Variants in TMEM268 observed in about 807,000 individuals in gnomAD.
The protein encoded by TMEM268 is transmembrane protein 268.
TMEM268 carries 24 observed loss-of-function variants against 39.1 expected under a neutral mutation model. The observed-to-expected ratio is 0.61, with a 90% confidence interval of 0.44 to 0.86. The LOEUF is 0.86. TMEM268 is among the 40% of genes least tolerant of loss of function. The pLI is 0.00. For synonymous variants in TMEM268, 176 were observed against 173.5 expected, an observed-to-expected ratio of 1.01 and a Z score of -0.12; for missense variants, 409 against 428.6, an observed-to-expected ratio of 0.95 and a Z score of 0.40.
chr9:114,613,201 AT>A (rs1485464991), intron 1 of TMEM268, among the ~76,000 whole-genome samples: 44 of 152,306 alleles, frequency 2.9e-4, no homozygotes, highest in African/African-American at 9.9e-4. Flanking sequence ...AAGCCTGCTG[AT>A]TAGTACTTTG....
chr9:114,608,511 A>G (rs1365794229), upstream of TMEM268, among the ~76,000 whole-genome samples: 1 of 152,200 alleles, frequency 6.6e-6, no homozygotes, highest in East Asian at 1.9e-4. Context: ...GCAGCCTGGC[A>G]GAAAGGGCAG....
upstream of TMEM268, among the ~76,000 whole-genome samples, chr9:114,607,458 C>T (rs997619847): frequency 6.6e-6 from 1 of 152,066 alleles, no homozygotes; most frequent in Non-Finnish European, 1.5e-5. Context: ...GAGTTCGAGA[C>T]CAGCTTGGGC....
At chr9:114,615,304 T>C (rs949442583) in intron 1 of TMEM268, among the ~76,000 whole-genome samples, 4 of 152,212 alleles carry the variant, frequency 2.6e-5, no homozygotes, top group African/African-American at 4.8e-5. Context: ...TGCTGTTGTA[T>C]GTCCTTTATA....
chr9:114,609,247 G>C (rs774481733), upstream of TMEM268, among the ~76,000 whole-genome samples: 3 of 151,926 alleles, frequency 2.0e-5, no homozygotes, highest in Admixed American at 6.6e-5. Context: ...GGAGGTGGAG[G>C]CTGCAGTGAG....
intron 3 of TMEM268, among the ~76,000 whole-genome samples, chr9:114,626,449 C>A (rs1032857858): frequency 6.6e-6 from 1 of 152,168 alleles, no homozygotes; most frequent in Admixed American, 6.5e-5. Flanking sequence ...GAGGGACTGG[C>A]CCTTTGCTCA....
At chr9:114,625,015 C>T (rs1451989186) in intron 3 of TMEM268, among the ~76,000 whole-genome samples, 2 of 152,170 alleles carry the variant, frequency 1.3e-5, no homozygotes, top group African/African-American at 2.4e-5. Context: ...GATAATGATG[C>T]AGTACCTTCA....
At position 114,624,403 on chromosome 9, in the gene TMEM268, C is replaced by T; in HGVS notation, c.160C>T (p.Pro54Ser). The change falls in exon 3 of 9, where the codon CCC (proline) becomes TCC (serine). Residue 54 changes from proline to serine, a missense_variant. Pro to Ser is a moderately conservative substitution (Grantham distance 74). Coordinates refer to ENST00000288502, the MANE Select transcript of TMEM268 (RefSeq NM_153045.4). Reference sequence around the variant, plus strand: ...TCTCCGGATTGACAATACCTGTGCACCCATCTCCTTCGACCTGGGAGCCGC... The same window carrying T: ...TCTCCGGATTGACAATACCTGTGCATCCATCTCCTTCGACCTGGGAGCCGC... ...TVLRIDNTCA[P>S]ISFDLGAAEE... 1 of 1,602,940 alleles carries T rather than the reference C, an allele frequency of 6.2e-7. No homozygotes were observed. Among genetic ancestry groups the T allele is most frequent in the Non-Finnish European group, 8.5e-7 (1 of 1,174,102 alleles).
At chr9:114,637,124 C>T (rs937314542) in intron 7 of TMEM268, 54 bp downstream of exon 7, 133 of 1,159,786 alleles carry the variant, frequency 1.1e-4, no homozygotes, top group Non-Finnish European at 1.6e-4. Flanking sequence ...CAAGTTGTAT[C>T]GATTTCATTA....
intron 8 of TMEM268, among the ~76,000 whole-genome samples, chr9:114,640,536 C>A (rs1274741999): frequency 4.6e-5 from 7 of 152,186 alleles, no homozygotes; most frequent in Non-Finnish European, 1.0e-4. Context: ...AAGAGGTCAG[C>A]TGACTGGCCC....
intron 2 of TMEM268, among the ~76,000 whole-genome samples, chr9:114,618,679 A>T (rs995714297): frequency 7.9e-5 from 12 of 152,146 alleles, no homozygotes; most frequent in Middle Eastern, 3.4e-3. Context: ...AAAAAGAAAG[A>T]AAAAGAATTT....
chr9:114,642,734 G>A (rs1271484409), intron 8 of TMEM268, among the ~76,000 whole-genome samples: 1 of 151,978 alleles, frequency 6.6e-6, no homozygotes, highest in Non-Finnish European at 1.5e-5. Flanking sequence ...TCCTACCTCG[G>A]CCTCCCAAAG....
chr9:114,641,166 G>A (rs1470763706), intron 8 of TMEM268, among the ~76,000 whole-genome samples: 7 of 151,982 alleles, frequency 4.6e-5, no homozygotes, highest in South Asian at 2.1e-4. Flanking sequence ...GTGAGCCACC[G>A]CGCCCGGCCT....
Position 114,643,190 on chromosome 9 carries a change from G to C in TMEM268, c.906G>C (p.Val302=). 1 of 1,614,166 alleles carries C rather than the reference G, an allele frequency of 6.2e-7. No homozygotes were observed. The highest frequency in any genetic ancestry group is 8.5e-7 in the Non-Finnish European group (1 of 1,180,032). Residue 302 remains valine (V), a synonymous_variant, in exon 9 of 9, where the codon GTG becomes GTC. Coordinates refer to ENST00000288502, the MANE Select transcript of TMEM268 (RefSeq NM_153045.4). The part of the protein sequence containing the change: ...VFGGYYIRLL[V]TSQLPQAMGT... Reference sequence around the variant, plus strand: ...GCGGCTACTACATCCGGCTTCTAGTGACCTCCCAGCTCCCTCAGGCAATGG... The same window carrying C: ...GCGGCTACTACATCCGGCTTCTAGTCACCTCCCAGCTCCCTCAGGCAATGG...
chr9:114,637,486 G>T (rs1002426742), intron 7 of TMEM268, among the ~76,000 whole-genome samples: 1 of 151,860 alleles, frequency 6.6e-6, no homozygotes, highest in Non-Finnish European at 1.5e-5. Context: ...TAGAGACGGG[G>T]TTTCACCATG....
intron 7 of TMEM268, among the ~76,000 whole-genome samples, chr9:114,638,269 T>G (rs1337711505): frequency 1.3e-5 from 2 of 152,194 alleles, no homozygotes; most frequent in East Asian, 3.9e-4. Context: ...CTTGAACTCC[T>G]AGTCTCAAGT....
intron 1 of TMEM268, among the ~76,000 whole-genome samples, chr9:114,612,675 G>C (rs989244992): frequency 6.6e-6 from 1 of 152,132 alleles, no homozygotes; most frequent in Non-Finnish European, 1.5e-5. Context: ...GGCCTCTCTT[G>C]GCTCTCACCT....
In TMEM268 at chr9:114,643,793, A is replaced by T. The variant is rs1285184972; in HGVS notation, c.*480A>T. 1 of 152,872 alleles carries T rather than the reference A, an allele frequency of 6.5e-6. No individual in the cohort carries two copies. Among genetic ancestry groups the T allele is most frequent in the Admixed American group, 6.5e-5 (1 of 15,300 alleles). 9.5% of individuals were successfully genotyped at this position (152,872 alleles called of 1,614,324 possible). A position where few individuals can be genotyped will look rare whatever the true frequency, so the allele number is the denominator to read the frequency against. On this transcript the variant is annotated 3_prime_UTR_variant, in exon 9 of 9. Transcript: ENST00000288502. ...TGTGGCATTGCCTTGAACCCCTAAA[A>T]TTATCAGACTTCCTTTTTCCAATAT...
upstream of TMEM268, among the ~76,000 whole-genome samples, chr9:114,607,892 A>G (rs1325707606): frequency 6.6e-6 from 1 of 151,984 alleles, no homozygotes; most frequent in Non-Finnish European, 1.5e-5. Context: ...GTGAGAGAAC[A>G]GGGGGAGAGG....
upstream of TMEM268, among the ~76,000 whole-genome samples, chr9:114,610,651 T>C (rs1344133959): frequency 6.6e-6 from 1 of 152,182 alleles, no homozygotes; most frequent in Non-Finnish European, 1.5e-5. Flanking sequence ...TTACGAAGGA[T>C]GGCGATGGGA....
Sources: allele counts gnomAD v4.1 joint callset (sites outside exome capture counted in the v4.1 genomes callset), GRCh38; gene constraint gnomAD v4.1.1; transcripts MANE v1.5; gene names NCBI Gene and HGNC (gene_info 2026-07-23, HGNC 2026-07-21).